Variants in SND1 observed in about 807,000 individuals in gnomAD.
SND1 encodes staphylococcal nuclease domain-containing protein 1.
SND1 carries 38 observed loss-of-function variants against 121.7 expected under a neutral mutation model. That is an observed-to-expected ratio of 0.31 (90% CI 0.24 to 0.41). The LOEUF is 0.41. Among genes scored for constraint, SND1 ranks in the 10% least tolerant of loss-of-function variants. SND1 has a pLI of 1.00. For synonymous variants in SND1, 401 were observed against 447.4 expected (o/e 0.90, Z 1.31); for missense variants, 868 against 1,184.6 (o/e 0.73, Z 3.92).
At position 128,092,448 on chromosome 7, in the gene SND1, G is replaced by T. The variant is rs897736451; in HGVS notation, c.*390G>T. The T allele has an allele frequency of 1.3e-5, 3 of 231,362 alleles. No homozygotes were observed. 14.3% of individuals were successfully genotyped at this position (231,362 alleles called of 1,614,324 possible). ...CCTGCCTCTATCCCAGACTGCCCTC[G>T]TCCCAGCTCTCTGTCCAACTGTTGA... On this transcript the variant is annotated 3_prime_UTR_variant, in exon 24 of 24. Coordinates refer to ENST00000354725, the MANE Select transcript of SND1 (RefSeq NM_014390.4). The surrounding 1 kb of genome is among the most constrained non-coding windows in gnomAD (Gnocchi z 4.9).
intron 17 of SND1, among the ~76,000 whole-genome samples, chr7:128,078,268 C>T (rs1417322848): frequency 6.6e-6 from 1 of 152,268 alleles, no homozygotes; most frequent in Non-Finnish European, 1.5e-5. Context: ...CAAGGAACAG[C>T]TGGTCACCTC....
At chr7:128,070,678 C>T (rs1190967221) in intron 16 of SND1, among the ~76,000 whole-genome samples, 2 of 152,134 alleles carry the variant, frequency 1.3e-5, no homozygotes, top group African/African-American at 4.8e-5. Flanking sequence ...ATGAGCCTCC[C>T]CTAACGTGTC....
At position 127,722,009 on chromosome 7, in the gene SND1, T is replaced by C. The variant is rs192430283; in HGVS notation, c.1152+609T>C. On this transcript the variant is annotated intron_variant, in intron 10 of 23. Coordinates refer to ENST00000354725, the MANE Select transcript of SND1 (RefSeq NM_014390.4). ...AACTCTAACAAGAGCTGGTATTACA[T>C]GTGCAGATAGACTGATTTTTTTTTG... is the stretch of plus-strand genomic sequence containing the variant. 4.3e-4 allele frequency among the ~76,000 whole-genome samples: 65 copies of C among 152,310 alleles called. No homozygotes were observed. The East Asian group carries it at 8.1e-3, about 19-fold the overall frequency.
intron 15 of SND1, among the ~76,000 whole-genome samples, chr7:127,961,371 T>G (rs533265988): frequency 1.3e-5 from 2 of 152,330 alleles, no homozygotes; most frequent in South Asian, 4.1e-4. Context: ...AGCTGTATGA[T>G]AGTAAGATCT....
intron 18 of SND1, chr7:128,081,742 C>G: frequency 1.6e-6 from 1 of 629,750 alleles, no homozygotes; most frequent in Non-Finnish European, 3.0e-6. Context: ...GAGGTGCTGC[C>G]GGACAGGTCC....
chr7:128,021,341 C>T (rs1048603360), intron 16 of SND1, among the ~76,000 whole-genome samples: 4 of 152,226 alleles, frequency 2.6e-5, no homozygotes, highest in African/African-American at 4.8e-5. Context: ...ACTCAGCATT[C>T]CTCCAAACAC....
intron 10 of SND1, among the ~76,000 whole-genome samples, chr7:127,766,322 T>C (rs986873923): frequency 6.6e-6 from 1 of 152,246 alleles, no homozygotes; most frequent in African/African-American, 2.4e-5. Flanking sequence ...TATTGTGTTA[T>C]AGCAGCATAA....
chr7:127,656,992 A>G (rs1031349187), intron 1 of SND1, among the ~76,000 whole-genome samples: 4 of 152,218 alleles, frequency 2.6e-5, no homozygotes, highest in African/African-American at 9.6e-5. Flanking sequence ...TAAGTAAAGG[A>G]ACACTAAGTT....
chr7:127,917,639 T>C (rs114957618), intron 14 of SND1, among the ~76,000 whole-genome samples: 1 of 152,284 alleles, frequency 6.6e-6, no homozygotes, highest in African/African-American at 2.4e-5. Context: ...CCAGAGCTGA[T>C]TTAGAACTCC....
chr7:127,998,010 A>C, intron 16 of SND1: 1 of 527,002 alleles, frequency 1.9e-6, no homozygotes. Flanking sequence ...TCTATGACCC[A>C]AGTCTCTCCC....
chr7:127,978,994 T>C (rs1190075526), intron 15 of SND1, among the ~76,000 whole-genome samples: 2 of 151,406 alleles, frequency 1.3e-5, no homozygotes, highest in Non-Finnish European at 2.9e-5. Context: ...GCCGCCTGTA[T>C]TTTTTTTTAA....
At chr7:128,065,206 T>TAC (rs1793292486) in intron 16 of SND1, among the ~76,000 whole-genome samples, 1 of 152,218 alleles carries the variant, frequency 6.6e-6, no homozygotes. Flanking sequence ...GAGGTTGTGA[T>TAC]CTGGAGCCAA....
Position 127,832,896 on chromosome 7 carries a change from C to T in SND1, c.1243-11428C>T, listed in dbSNP as rs557169450. ...AGTGCAAAGCCTAGTGTGAACTACA[C>T]GTGCGAGGGATCTAGGTCTCATGCT... On this transcript the variant is annotated intron_variant, in intron 11 of 23. Transcript: ENST00000354725. Among the ~76,000 whole-genome samples, 11 of 152,302 alleles carry T rather than the reference C, an allele frequency of 7.2e-5. No homozygotes were observed. The South Asian group carries it at 1.2e-3, about 17-fold the overall frequency.
intron 14 of SND1, among the ~76,000 whole-genome samples, chr7:127,920,578 G>A: frequency 6.6e-6 from 1 of 152,112 alleles, no homozygotes; most frequent in Non-Finnish European, 1.5e-5. Flanking sequence ...GATGAGGTAG[G>A]GAGGCAGATT....
chr7:127,967,704 C>T (rs911831669), intron 15 of SND1, among the ~76,000 whole-genome samples: 1 of 152,278 alleles, frequency 6.6e-6, no homozygotes, highest in South Asian at 2.1e-4. Flanking sequence ...TCTCGATATA[C>T]CCTGCTTTTA....
chr7:127,994,642 C>A (rs774028604), intron 16 of SND1, among the ~76,000 whole-genome samples: 5 of 143,256 alleles, frequency 3.5e-5, no homozygotes, highest in African/African-American at 7.8e-5. Flanking sequence ...GACAGGTGGG[C>A]AAATCTGTGC....
intron 10 of SND1, among the ~76,000 whole-genome samples, chr7:127,790,483 T>C (rs1432602948): frequency 6.6e-6 from 1 of 152,228 alleles, no homozygotes; most frequent in Non-Finnish European, 1.5e-5. Context: ...TTGGAATTAG[T>C]TAAATTAGAG....
At chr7:127,738,220 G>A (rs1796813562) in intron 10 of SND1, among the ~76,000 whole-genome samples, 1 of 151,344 alleles carries the variant, frequency 6.6e-6, no homozygotes, top group African/African-American at 2.4e-5. Flanking sequence ...ATTACTCCTA[G>A]TGCATTCTCT....
intron 1 of SND1, among the ~76,000 whole-genome samples, chr7:127,660,566 G>T (rs1451501511): frequency 6.6e-6 from 1 of 152,114 alleles, no homozygotes; most frequent in East Asian, 1.9e-4. Context: ...TCAGTTTTTG[G>T]AATATTTGCA....
Sources: allele counts gnomAD v4.1 joint callset (sites outside exome capture counted in the v4.1 genomes callset), GRCh38; gene constraint gnomAD v4.1.1; non-coding constraint Gnocchi (gnomAD v3.1); transcripts MANE v1.5; gene names NCBI Gene and HGNC (gene_info 2026-07-23, HGNC 2026-07-21).